UNC13C: variants seen among roughly 807,000 people sequenced by gnomAD.
The protein encoded by UNC13C is unc-13 homolog C, also known as protein unc-13 homolog C.
UNC13C carries 174 observed loss-of-function variants against 245.4 expected under a neutral mutation model. The observed-to-expected ratio is 0.71, with a 90% confidence interval of 0.63 to 0.80. UNC13C has a LOEUF of 0.80. UNC13C is among the 30% of genes least tolerant of loss of function. The pLI is 0.00. For synonymous variants in UNC13C, 992 were observed against 895.1 expected, an observed-to-expected ratio of 1.11 and a Z score of -1.93; for missense variants, 2,829 against 2,602.9, an observed-to-expected ratio of 1.09 and a Z score of -1.89.
intron 2 of UNC13C, among the ~76,000 whole-genome samples, chr15:54,073,505 A>C (rs1898433834): frequency 1.3e-5 from 2 of 152,198 alleles, no homozygotes; most frequent in Admixed American, 6.5e-5. Flanking sequence ...TCAACAGTGT[A>C]AAAGTGTTAC....
the UNC13C span, among the ~76,000 whole-genome samples, chr15:53,919,520 T>G: frequency 6.6e-6 from 1 of 152,202 alleles, no homozygotes; most frequent in African/African-American, 2.4e-5. Flanking sequence ...CTAAACAGAA[T>G]GCAACTAAGT....
chr15:54,089,025 T>C (rs935119730), intron 2 of UNC13C, among the ~76,000 whole-genome samples: 1 of 152,160 alleles, frequency 6.6e-6, no homozygotes, highest in Non-Finnish European at 1.5e-5. Flanking sequence ...TCCTGTCACA[T>C]ACCACAGGCT....
chr15:53,917,915 G>T, the UNC13C span, among the ~76,000 whole-genome samples: 1 of 152,086 alleles, frequency 6.6e-6, no homozygotes, highest in African/African-American at 2.4e-5. Context: ...ACCTGTCTTA[G>T]CTAAGATAAA....
At chr15:54,482,528 C>T (rs569653670) in intron 19 of UNC13C, among the ~76,000 whole-genome samples, 27 of 152,276 alleles carry the variant, frequency 1.8e-4, no homozygotes, top group Middle Eastern at 3.4e-3. Context: ...GGAGGTTCCT[C>T]CTGACTCTGA....
intron 4 of UNC13C, among the ~76,000 whole-genome samples, chr15:54,190,375 G>A (rs1407275274): frequency 6.6e-6 from 1 of 151,976 alleles, no homozygotes. Context: ...CCTCTTTCCT[G>A]TACTTCTCGC....
chr15:53,883,527 G>A, the UNC13C span, among the ~76,000 whole-genome samples: 1 of 152,092 alleles, frequency 6.6e-6, no homozygotes, highest in Non-Finnish European at 1.5e-5. Flanking sequence ...TGCCAATCGG[G>A]TCTATCACAC....
chr15:53,987,975 C>A lies in UNC13C; in HGVS notation c.-257+9048C>A, dbSNP rs117431196. On this transcript the variant is annotated intron_variant, in intron 1 of 32. Coordinates refer to ENST00000260323, the MANE Select transcript of UNC13C (RefSeq NM_001080534.3). ...AGGAGAAATGAAGTTCAGTTTCAGACGAGATGGGTTTGTGTGAGTTTAATG... is the reference window on the plus strand; with the variant it reads ...AGGAGAAATGAAGTTCAGTTTCAGAAGAGATGGGTTTGTGTGAGTTTAATG... 3.4e-4 allele frequency among the ~76,000 whole-genome samples: 52 copies of A among 152,040 alleles called. No individual in the cohort carries two copies. The East Asian group carries it at 9.3e-3, about 27-fold the overall frequency.
chr15:54,144,968 T>C (rs1003679648), intron 4 of UNC13C, among the ~76,000 whole-genome samples: 2 of 151,952 alleles, frequency 1.3e-5, no homozygotes, highest in Non-Finnish European at 2.9e-5. Context: ...GATTTTTGTT[T>C]TAAAACCAAG....
intron 17 of UNC13C, among the ~76,000 whole-genome samples, chr15:54,338,955 C>T (rs1040238624): frequency 6.6e-6 from 1 of 152,214 alleles, no homozygotes; most frequent in African/African-American, 2.4e-5. Context: ...CAACCTCTGC[C>T]TCCGGGGTTC....
At chr15:54,272,780 T>C (rs1325973023) in intron 10 of UNC13C, among the ~76,000 whole-genome samples, 1 of 152,202 alleles carries the variant, frequency 6.6e-6, no homozygotes, top group Non-Finnish European at 1.5e-5. Context: ...TTATCACTGC[T>C]TCTCACTAGA....
chr15:54,240,548 C>A (rs950130442), intron 7 of UNC13C, among the ~76,000 whole-genome samples: 1 of 152,174 alleles, frequency 6.6e-6, no homozygotes, highest in Non-Finnish European at 1.5e-5. Context: ...ACAGAACAGA[C>A]ACTAATGCCT....
At chr15:54,197,072 AAAATT>A (rs1158169008) in intron 4 of UNC13C, among the ~76,000 whole-genome samples, 2 of 152,196 alleles carry the variant, frequency 1.3e-5, no homozygotes, top group Non-Finnish European at 2.9e-5. Context: ...ATTAAAAAGA[AAAATT>A]AAAGGTATAA....
intron 30 of UNC13C, among the ~76,000 whole-genome samples, chr15:54,602,276 A>C (rs1213445537): frequency 1.3e-5 from 2 of 152,316 alleles, no homozygotes; most frequent in East Asian, 3.9e-4. Context: ...CACACTACGC[A>C]GAGTAACTAA....
At chr15:54,374,281 A>G (rs565857447) in intron 17 of UNC13C, among the ~76,000 whole-genome samples, 9 of 152,262 alleles carry the variant, frequency 5.9e-5, no homozygotes, top group African/African-American at 1.2e-4. Context: ...CTTTCCACCC[A>G]GGAGCCTATC....
At chr15:54,224,100 C>G (rs1315022510) in intron 4 of UNC13C, among the ~76,000 whole-genome samples, 1 of 152,044 alleles carries the variant, frequency 6.6e-6, no homozygotes, top group Non-Finnish European at 1.5e-5. Flanking sequence ...AATTTGACTT[C>G]TTCCTTTCCA....
intron 2 of UNC13C, among the ~76,000 whole-genome samples, chr15:54,060,884 C>T (rs1419129315): frequency 4.6e-5 from 7 of 151,914 alleles, no homozygotes; most frequent in East Asian, 1.9e-4. Context: ...AACCAAACAC[C>T]GCAGTTCTCA....
At chr15:54,380,131 C>A (rs1039821072) in intron 17 of UNC13C, among the ~76,000 whole-genome samples, 14 of 151,806 alleles carry the variant, frequency 9.2e-5, no homozygotes, top group Admixed American at 7.9e-4. Flanking sequence ...CTCTCTAAGC[C>A]CCCACCCCCA....
intron 10 of UNC13C, among the ~76,000 whole-genome samples, chr15:54,285,428 C>A (rs1034348984): frequency 6.6e-6 from 1 of 151,980 alleles, no homozygotes; most frequent in Non-Finnish European, 1.5e-5. Context: ...AGTGAGATAC[C>A]GATATTGCAA....
chr15:54,503,304 C>T (rs1022373030), intron 22 of UNC13C, among the ~76,000 whole-genome samples: 2 of 152,054 alleles, frequency 1.3e-5, no homozygotes, highest in Non-Finnish European at 2.9e-5. Flanking sequence ...AAATCTCTTG[C>T]CAGCATTTCT....
Sources: allele counts gnomAD v4.1 joint callset (sites outside exome capture counted in the v4.1 genomes callset), GRCh38; gene constraint gnomAD v4.1.1; transcripts MANE v1.5; gene names NCBI Gene and HGNC (gene_info 2026-07-23, HGNC 2026-07-21).